IQCH: variants seen among roughly 807,000 people sequenced by gnomAD.
The protein encoded by IQCH is IQ motif containing H.
IQCH carries 98 observed loss-of-function variants against 117.0 expected under a neutral mutation model. The ratio of observed to expected loss-of-function variants is 0.84; its 90% CI spans 0.71 to 0.99. IQCH has a LOEUF of 0.99. IQCH is among the 50% of genes least tolerant of loss of function. The probability of loss-of-function intolerance (pLI) is 0.00; values close to 1 mark genes in which losing one functional copy is unlikely to be tolerated. For synonymous variants in IQCH, 412 were observed against 448.2 expected, an observed-to-expected ratio of 0.92 and a Z score of 1.02; for missense variants, 1,102 against 1,243.8, an observed-to-expected ratio of 0.89 and a Z score of 1.72.
intron 10 of IQCH, among the ~76,000 whole-genome samples, chr15:67,379,316 C>T (rs1596287047): frequency 6.6e-6 from 1 of 152,190 alleles, no homozygotes; most frequent in Non-Finnish European, 1.5e-5. Flanking sequence ...TTATACTAAA[C>T]TCCACAATGG....
intron 16 of IQCH, among the ~76,000 whole-genome samples, chr15:67,442,825 T>TAGA (rs1366845236): frequency 3.5e-5 from 4 of 113,454 alleles, no homozygotes; most frequent in Non-Finnish European, 3.6e-5. Context: ...GTGAGATAGA[T>TAGA]AGATAGATAG....
At position 67,479,732 on chromosome 15, in the gene IQCH, C is replaced by T. The variant is rs2083296195; in HGVS notation, c.2799+3914C>T. Among the ~76,000 whole-genome samples, 4 of 152,158 alleles carry T rather than the reference C, an allele frequency of 2.6e-5. 1 individual carries two copies. In the South Asian group the frequency reaches 8.3e-4, roughly 32 times the overall value. On this transcript the variant is annotated intron_variant, in intron 18 of 20. Coordinates refer to ENST00000335894, the MANE Select transcript of IQCH (RefSeq NM_001031715.3). The surrounding 1 kb of genome is among the most constrained non-coding windows in gnomAD (Gnocchi z 4.6). The stretch of plus-strand genomic sequence containing the variant: ...GTTGAATTTAACATGGGTGCTCGTT[C>T]CAGAAAAAGAAAGCAACATTAATAA...
At chr15:67,304,105 A>T (rs1340092078) in intron 4 of IQCH, among the ~76,000 whole-genome samples, 1 of 152,130 alleles carries the variant, frequency 6.6e-6, no homozygotes, top group East Asian at 1.9e-4. Context: ...GTGTCTGAGG[A>T]TGTATTTGTG....
Position 67,489,293 on chromosome 15 carries a change from G to A in IQCH, c.2800-710G>A, listed in dbSNP as rs576461894. 6.4e-4 allele frequency among the ~76,000 whole-genome samples: 97 copies of A among 151,462 alleles called. 1 individual carries two copies. Among genetic ancestry groups the A allele is most frequent in the African/African-American group, 2.3e-3 (95 of 41,186 alleles). ...CGTGATCCGCCTGCCTCGGCCTCCT[G>A]AAGTGCTGGGATTACAGGTGTGAGC... On this transcript the variant is annotated intron_variant, in intron 18 of 20. Transcript: ENST00000335894.
chr15:67,324,742 G>T (rs1465305420), intron 4 of IQCH, among the ~76,000 whole-genome samples: 7 of 151,730 alleles, frequency 4.6e-5, no homozygotes, highest in Admixed American at 2.6e-4. Context: ...GTGCTTTAAA[G>T]TTCCATTGTT....
chr15:67,486,016 A>G lies in IQCH; in HGVS notation c.2800-3987A>G, dbSNP rs573525461. On this transcript the variant is annotated intron_variant, in intron 18 of 20. Coordinates refer to ENST00000335894, the MANE Select transcript of IQCH (RefSeq NM_001031715.3). ...AAATTACTTTACCTTCAAATGAGCA[A>G]TAAGACTGCTAGCTAAGTTTTCTTT... Among the ~76,000 whole-genome samples the G allele has an allele frequency of 1.0e-4, 15 of 149,956 alleles. No individual in the cohort carries two copies. In the East Asian group the frequency reaches 2.6e-3, roughly 26 times the overall value.
chr15:67,333,517 C>T (rs1968760255), intron 4 of IQCH, among the ~76,000 whole-genome samples: 1 of 152,112 alleles, frequency 6.6e-6, no homozygotes, highest in Non-Finnish European at 1.5e-5. Context: ...CTAAAGATGT[C>T]AGGGACGATG....
intron 6 of IQCH, among the ~76,000 whole-genome samples, chr15:67,352,611 A>T (rs1969714061): frequency 7.8e-6 from 1 of 127,642 alleles, no homozygotes; most frequent in African/African-American, 2.5e-5. Flanking sequence ...TCTAGCAATT[A>T]TATCTGCTAT....
chr15:67,345,172 G>A (rs559268100), intron 6 of IQCH, among the ~76,000 whole-genome samples: 8 of 152,180 alleles, frequency 5.3e-5, no homozygotes, highest in African/African-American at 1.9e-4. Flanking sequence ...TGTATTTTTA[G>A]TAGAGATGAG....
chr15:67,457,200 AT>A lies in IQCH; in HGVS notation c.2506-7926del, dbSNP rs2082679663. Among the ~76,000 whole-genome samples the A allele has an allele frequency of 6.6e-6, 1 of 152,210 alleles. No individual in the cohort carries two copies. The highest frequency in any genetic ancestry group is 1.5e-5 in the Non-Finnish European group (1 of 68,036). The stretch of plus-strand genomic sequence containing the variant: ...AGAGGGCCTATTGCATTTTAATGTT[AT>A]GCAAACAACTCTTACCAAATACCAT... On this transcript the variant is annotated intron_variant, in intron 16 of 20. Coordinates refer to ENST00000335894, the MANE Select transcript of IQCH (RefSeq NM_001031715.3). This position sits in a 1 kb window ranked among gnomAD's most constrained non-coding sequence, Gnocchi z 5.7.
At chr15:67,285,360 A>C (rs534765495) in intron 4 of IQCH, among the ~76,000 whole-genome samples, 3 of 151,740 alleles carry the variant, frequency 2.0e-5, no homozygotes, top group African/African-American at 7.3e-5. Flanking sequence ...TCGGTTACAT[A>C]GTTTGCGAAA....
rs61424429 is a variant in IQCH, at chr15:67,358,175, T to TTTTC, written c.714+754_714+755insTTTC. On this transcript the variant is annotated intron_variant, in intron 7 of 20. Coordinates refer to ENST00000335894, the MANE Select transcript of IQCH (RefSeq NM_001031715.3). ...CGCCTGGCCTTTTTTTTTTTTTTTT[T>TTTTC]CTTTTTTAACCATCATGAGGCACTT... 6.6e-5 allele frequency among the ~76,000 whole-genome samples: 5 copies of TTTTC among 76,260 alleles called. 1 individual carries two copies. The highest frequency in any genetic ancestry group is 3.3e-4 in the Admixed American group (2 of 6,058). The allele number at this position is 76,260 out of a possible 152,430, so 50.0% of individuals were successfully genotyped here.
chr15:67,422,026 G>A lies in IQCH; in HGVS notation c.2505+449G>A, dbSNP rs893791307. ...AGGCAGGAGAATCACTTGAACCCGGGAGGCAGAGGTTGCAATGAGCCGAGA... is the reference window on the plus strand; with the variant it reads ...AGGCAGGAGAATCACTTGAACCCGGAAGGCAGAGGTTGCAATGAGCCGAGA... On this transcript the variant is annotated intron_variant, in intron 16 of 20. Coordinates refer to ENST00000335894, the MANE Select transcript of IQCH (RefSeq NM_001031715.3). The surrounding 1 kb of genome is among the most constrained non-coding windows in gnomAD (Gnocchi z 4.7). 5.3e-5 allele frequency among the ~76,000 whole-genome samples: 8 copies of A among 151,786 alleles called. No individual in the cohort carries two copies. The highest frequency in any genetic ancestry group is 1.2e-4 in the Non-Finnish European group (8 of 67,976).
intron 4 of IQCH, among the ~76,000 whole-genome samples, chr15:67,281,431 G>C (rs548140033): frequency 6.6e-6 from 1 of 152,264 alleles, no homozygotes; most frequent in Admixed American, 6.5e-5. Flanking sequence ...AGAAATAATG[G>C]GGGTCAGGGC....
Position 67,474,029 on chromosome 15 carries a change from G to C in IQCH, c.2677-1667G>C, listed in dbSNP as rs1025555836. On this transcript the variant is annotated intron_variant, in intron 17 of 20. Transcript: ENST00000335894. The surrounding 1 kb of genome is among the most constrained non-coding windows in gnomAD (Gnocchi z 4.1). ...GAAAAACATGCTCCCCCCATCATGTGTGAGGGGAGCATGTCACCAAAAGTG... is the reference window on the plus strand; with the variant it reads ...GAAAAACATGCTCCCCCCATCATGTCTGAGGGGAGCATGTCACCAAAAGTG... 6.6e-6 allele frequency among the ~76,000 whole-genome samples: 1 copy of C among 151,644 alleles called. No individual in the cohort carries two copies. The highest frequency in any genetic ancestry group is 1.5e-5 in the Non-Finnish European group (1 of 67,928).
Position 67,494,500 on chromosome 15 carries a change from T to C in IQCH, c.2970+134T>C. 1.9e-6 allele frequency: 1 copy of C among 522,144 alleles called. No homozygotes were observed. Among genetic ancestry groups the C allele is most frequent in the Non-Finnish European group, 3.3e-6 (1 of 301,808 alleles). The allele number at this position is 522,144 out of a possible 1,614,324, so 32.3% of individuals were successfully genotyped here. A position where few individuals can be genotyped will look rare whatever the true frequency, so the allele number is the denominator to read the frequency against. On this transcript the variant is annotated intron_variant, in intron 20 of 20. Coordinates refer to ENST00000335894, the MANE Select transcript of IQCH (RefSeq NM_001031715.3). This position sits in a 1 kb window ranked among gnomAD's most constrained non-coding sequence, Gnocchi z 5.5. Reference sequence around the variant, plus strand: ...AGTACATATTTTACAGTGTGCAGGGTCAATACTGTAAGGTTCCCACTGAGG... The same window carrying C: ...AGTACATATTTTACAGTGTGCAGGGCCAATACTGTAAGGTTCCCACTGAGG...
rs1168971998 is a variant in IQCH at position 67,496,438 on chromosome 15, T to C, written c.2970+2072T>C. On this transcript the variant is annotated intron_variant, in intron 20 of 20. Transcript: ENST00000335894. This position sits in a 1 kb window ranked among gnomAD's most constrained non-coding sequence, Gnocchi z 4.4. ...CCACAGCTGACATCATAGTTAACATTGCAAGACCAAAAGCCTTCTCGCCAA... is the reference window on the plus strand; with the variant it reads ...CCACAGCTGACATCATAGTTAACATCGCAAGACCAAAAGCCTTCTCGCCAA... 6.6e-6 allele frequency among the ~76,000 whole-genome samples: 1 copy of C among 152,290 alleles called. No homozygotes were observed. The highest frequency in any genetic ancestry group is 1.9e-4 in the East Asian group (1 of 5,188).
At chr15:67,301,318 C>A in intron 4 of IQCH, among the ~76,000 whole-genome samples, 1 of 150,568 alleles carries the variant, frequency 6.6e-6, no homozygotes, top group Admixed American at 6.6e-5. Flanking sequence ...TTTTCCCATA[C>A]ATCACTATAG....
intron 3 of IQCH, among the ~76,000 whole-genome samples, chr15:67,269,074 C>G (rs1218391421): frequency 1.3e-5 from 2 of 149,672 alleles, no homozygotes; most frequent in Non-Finnish European, 3.0e-5. Flanking sequence ...CAACAGACCA[C>G]TCACAGAGAT....
Sources: gnomAD v4.1 joint callset for allele counts (sites outside exome capture counted in the v4.1 genomes callset) on GRCh38, gnomAD v4.1.1 for gene constraint, Gnocchi (gnomAD v3.1) non-coding constraint, MANE v1.5 for transcripts, NCBI Gene and HGNC (gene_info 2026-07-23, HGNC 2026-07-21) for gene names.